Variants in CUL2 observed in about 807,000 individuals in gnomAD.
The protein encoded by CUL2 is cullin 2.
In CUL2, 22 loss-of-function variants were observed where a neutral mutation model predicts 110.2. The ratio of observed to expected loss-of-function variants is 0.20; its 90% CI spans 0.14 to 0.28. The LOEUF (loss-of-function observed/expected upper bound fraction) is 0.28. Among genes scored for constraint, CUL2 ranks in the 10% least tolerant of loss-of-function variants. The probability of loss-of-function intolerance (pLI) is 1.00; values close to 1 mark genes in which losing one functional copy is unlikely to be tolerated. For missense variants in CUL2, 631 were observed against 905.5 expected (o/e 0.70, Z 3.89); for synonymous variants, 279 against 293.2 (o/e 0.95, Z 0.49).
chr10:35,072,714 C>T (rs2086713342), intron 1 of CUL2, among the ~76,000 whole-genome samples: 1 of 152,166 alleles, frequency 6.6e-6, no homozygotes, highest in Non-Finnish European at 1.5e-5. Context: ...CTCAGACAAA[C>T]TGCATTTAGG....
upstream of CUL2, chr10:35,126,788 TC>T (rs2087859629): frequency 6.6e-6 from 1 of 151,548 alleles, no homozygotes; most frequent in African/African-American, 2.4e-5. Flanking sequence ...CTTCTCCCTA[TC>T]CCTAGGCCCC....
intron 1 of CUL2, among the ~76,000 whole-genome samples, chr10:35,124,167 G>A (rs1465323568): frequency 6.6e-6 from 1 of 152,164 alleles, no homozygotes; most frequent in Non-Finnish European, 1.5e-5. Flanking sequence ...GGGTGACAGA[G>A]CGAGACTCTG....
intron 1 of CUL2, among the ~76,000 whole-genome samples, chr10:35,085,667 G>C (rs2087045201): frequency 6.8e-6 from 1 of 146,830 alleles, no homozygotes; most frequent in African/African-American, 2.5e-5. Context: ...TGTGAACCCG[G>C]GAACCAGAGA....
chr10:35,105,710 A>G (rs990967351), intron 1 of CUL2, among the ~76,000 whole-genome samples: 8 of 151,544 alleles, frequency 5.3e-5, no homozygotes, highest in African/African-American at 1.7e-4. Flanking sequence ...TCTGTCTCAA[A>G]AAAAAAAAAG....
At chr10:35,096,564 G>A (rs2087303217) in intron 2 of CUL2, among the ~76,000 whole-genome samples, 1 of 152,264 alleles carries the variant, frequency 6.6e-6, no homozygotes, top group East Asian at 1.9e-4. Flanking sequence ...AGTGAGCTGT[G>A]ATTATGCCAC....
chr10:35,121,266 C>T (rs2087674738), intron 1 of CUL2, among the ~76,000 whole-genome samples: 1 of 152,118 alleles, frequency 6.6e-6, no homozygotes, highest in South Asian at 2.1e-4. Context: ...CTCACTCTGT[C>T]GCCCAGGCTG....
At chr10:35,048,493 G>T (rs532341645) in intron 6 of CUL2, among the ~76,000 whole-genome samples, 7 of 152,266 alleles carry the variant, frequency 4.6e-5, no homozygotes, top group African/African-American at 1.4e-4. Context: ...CATTTAGAAA[G>T]TATAACAGTA....
chr10:35,102,739 C>T lies in CUL2; in HGVS notation c.-50-1679G>A, dbSNP rs996400799. ...CTCTACTAAAAATGCAAAAATTAGC[C>T]GGGTGCAGTGGCAGGCGCCTGTAAT... On this transcript the variant is annotated intron_variant, in intron 1 of 5. Coordinates refer to the CUL2 transcript ENST00000685421. Among the ~76,000 whole-genome samples the T allele has an allele frequency of 2.6e-5, 4 of 151,728 alleles. 1 individual carries two copies. The highest frequency in any genetic ancestry group is 2.1e-4 in the South Asian group (1 of 4,810).
chr10:35,065,526 G>A (rs972606258), intron 2 of CUL2, among the ~76,000 whole-genome samples: 52 of 152,334 alleles, frequency 3.4e-4, no homozygotes, highest in African/African-American at 1.2e-3. Context: ...GGCTGAGGCA[G>A]GAGAATGGCG....
At chr10:35,065,490 G>A (rs1284573569) in intron 2 of CUL2, among the ~76,000 whole-genome samples, 4 of 152,130 alleles carry the variant, frequency 2.6e-5, no homozygotes, top group African/African-American at 9.7e-5. Context: ...GTGGTGACAG[G>A]TGCCTGTAGT....
chr10:35,105,691 G>C (rs1290233995), intron 1 of CUL2, among the ~76,000 whole-genome samples: 2 of 150,050 alleles, frequency 1.3e-5, no homozygotes, highest in African/African-American at 4.9e-5. Flanking sequence ...CTGGGCGACA[G>C]AGCGAGACTC....
At chr10:35,056,854 A>G (rs73258758) in intron 4 of CUL2, among the ~76,000 whole-genome samples, 4,114 of 152,238 alleles carry the variant, frequency 0.027, 188 homozygotes, top group African/African-American at 0.094. Flanking sequence ...AGAATCACTT[A>G]TCTCATCCTT....
chr10:35,020,583 T>G (rs963122575), intron 17 of CUL2, among the ~76,000 whole-genome samples: 2 of 152,226 alleles, frequency 1.3e-5, no homozygotes, highest in Non-Finnish European at 2.9e-5. Flanking sequence ...TACTATGTAC[T>G]GTCTGGTGAA....
intron 16 of CUL2, among the ~76,000 whole-genome samples, chr10:35,028,406 T>A (rs1436026077): frequency 6.6e-6 from 1 of 152,186 alleles, no homozygotes; most frequent in African/African-American, 2.4e-5. Flanking sequence ...TATATTTACC[T>A]ACATTACAGG....
chr10:35,113,498 C>CAAAAAAAAA (rs59518617), intron 1 of CUL2, among the ~76,000 whole-genome samples: 5 of 33,312 alleles, frequency 1.5e-4, no homozygotes, highest in African/African-American at 2.0e-4. Flanking sequence ...GACTCTGCCT[C>CAAAAAAAAA]AAAAAAAAAA....
chr10:35,029,578 G>A lies in CUL2; in HGVS notation c.1449C>T (p.Ser483=), dbSNP rs760378291. 23 of 1,595,858 alleles carry A rather than the reference G, an allele frequency of 1.4e-5. No homozygotes were observed. Among genetic ancestry groups the A allele is most frequent in the Admixed American group, 1.1e-4 (6 of 55,432 alleles). The change falls in exon 15 of 21, where the codon AGC becomes AGT. Residue 483 remains serine, a synonymous_variant. Transcript: ENST00000374749. ...LHRMYTDMSV[S]ADLNNKFNNF... ...TGTTGAACTTATTGTTGAGATCAGC[G>A]CTGACACTCATATCTGTATACATCC...
rs1187204644 is a variant in CUL2, at chr10:35,103,325, T to TA, written c.-50-2266_-50-2265insT. 1.3e-3 allele frequency among the ~76,000 whole-genome samples: 153 copies of TA among 118,864 alleles called. 1 individual carries two copies. Among genetic ancestry groups the TA allele is most frequent in the South Asian group, 8.4e-3 (27 of 3,206 alleles). 78.0% of individuals were successfully genotyped at this position (118,864 alleles called of 152,430 possible). On this transcript the variant is annotated intron_variant, in intron 1 of 5. Transcript: ENST00000685421. The stretch of plus-strand genomic sequence containing the variant: ...CCAAGCTAATTTTTTTTTTTTTTTT[T>TA]TTTTTTTATTTTTTTTTGAGACGGA...
At chr10:35,061,981 T>C (rs754838575) in intron 3 of CUL2, among the ~76,000 whole-genome samples, 3 of 152,140 alleles carry the variant, frequency 2.0e-5, no homozygotes, top group Non-Finnish European at 4.4e-5. Flanking sequence ...AACTGTGTTG[T>C]TTTATTCCCA....
intron 1 of CUL2, among the ~76,000 whole-genome samples, chr10:35,109,833 G>T (rs1427312420): frequency 6.6e-6 from 1 of 152,196 alleles, no homozygotes; most frequent in Admixed American, 6.5e-5. Flanking sequence ...AGTCACTGGA[G>T]GTTTTTAAGC....
Sources: allele counts gnomAD v4.1 joint callset (sites outside exome capture counted in the v4.1 genomes callset), GRCh38; gene constraint gnomAD v4.1.1; transcripts MANE v1.5; gene names NCBI Gene and HGNC (gene_info 2026-07-23, HGNC 2026-07-21).